The following GUCY2C variants were observed in gnomAD, a reference collection of about 807,000 sequenced individuals.
GUCY2C encodes guanylyl cyclase C.
In GUCY2C, 118 loss-of-function variants were observed where a neutral mutation model predicts 131.1. The observed-to-expected ratio is 0.90, with a 90% CI of 0.78 to 1.05. The LOEUF (loss-of-function observed/expected upper bound fraction) is 1.05, where lower values mean the gene tolerates loss of function less well. Ranked by LOEUF, GUCY2C falls within the 50% of genes least tolerant of loss-of-function variation. The probability of loss-of-function intolerance (pLI) is 0.00; values close to 1 mark genes in which losing one functional copy is unlikely to be tolerated. For missense variants in GUCY2C, 1,161 were observed against 1,304.4 expected (o/e 0.89, Z 1.69); for synonymous variants, 452 against 457.8 (o/e 0.99, Z 0.16).
At chr12:14,674,487 T>C (rs1184583948) in intron 8 of GUCY2C, 138 bp downstream of exon 8, 1 of 818,078 alleles carries the variant, frequency 1.2e-6, no homozygotes, top group Admixed American at 1.7e-5. Flanking sequence ...GTTTATGTAA[T>C]GATGTTTGCA....
chr12:14,693,079 T>C lies in GUCY2C; in HGVS notation c.217+3153A>G, dbSNP rs148236364. Among the ~76,000 whole-genome samples, 343 of 152,206 alleles carry C rather than the reference T, an allele frequency of 2.3e-3. 1 individual carries two copies. The highest frequency in any genetic ancestry group is 8.1e-3 in the African/African-American group (335 of 41,530). ...CAATGACATAACTTCAAATCAAAGG[T>C]TTACTTTTAAAATAAGCCATTTCCC... On this transcript the variant is annotated intron_variant, in intron 1 of 26. Coordinates refer to ENST00000261170, the MANE Select transcript of GUCY2C (RefSeq NM_004963.4).
At chr12:14,686,790 GA>G (rs749349254) in intron 2 of GUCY2C, among the ~76,000 whole-genome samples, 5 of 152,298 alleles carry the variant, frequency 3.3e-5, no homozygotes, top group African/African-American at 4.8e-5. Context: ...ATATATTTCT[GA>G]AATTGTGATG....
rs1948465647 is a variant in GUCY2C at position 14,686,178 on chromosome 12, G to C, written c.378C>G (p.Tyr126Ter). ...TTACTTACTACATCTGGAAGGTGGAGTATGTACATGAGGGCCCTATGAGGA... is the reference window on the plus strand; with the variant it reads ...TTACTTACTACATCTGGAAGGTGGACTATGTACATGAGGGCCCTATGAGGA... ...GCVLIGPSCT[Y>*]STFQMYLDTE... The change falls in exon 3 of 27, where the codon TAC becomes TAG. Residue 126 changes from tyrosine to a stop codon, truncating the protein, a stop_gained. Coordinates refer to ENST00000261170, the MANE Select transcript of GUCY2C (RefSeq NM_004963.4). LOFTEE classifies it high-confidence loss of function. 6.2e-7 allele frequency: 1 copy of C among 1,601,330 alleles called. No homozygotes were observed. Among genetic ancestry groups the C allele is most frequent in the Non-Finnish European group, 8.6e-7 (1 of 1,168,410 alleles).
chr12:14,669,982 A>G, intron 9 of GUCY2C, 149 bp from the exon 10 acceptor site: 1 of 524,736 alleles, frequency 1.9e-6, no homozygotes, highest in Non-Finnish European at 3.3e-6. Flanking sequence ...AGTTAGGATC[A>G]TTTATTGATT....
Position 14,641,160 on chromosome 12 carries a change from A to G in GUCY2C, c.1990T>C (p.Tyr664His), listed in dbSNP as rs757135404. 2 of 1,613,050 alleles carry G rather than the reference A, an allele frequency of 1.2e-6. No individual in the cohort carries two copies. Among genetic ancestry groups the G allele is most frequent in the Non-Finnish European group, 8.5e-7 (1 of 1,179,314 alleles). The change falls in exon 18 of 27, where the codon TAC (tyrosine) becomes CAC (histidine). Residue 664 changes from tyrosine to histidine, a missense_variant. Tyr to His is a moderately conservative substitution (Grantham distance 83, BLOSUM62 2). Coordinates refer to ENST00000261170, the MANE Select transcript of GUCY2C (RefSeq NM_004963.4). ...TCCTGTGCGATGATCCCATAGCTGTACACATCTCCTTTCTGAGAGATGTTG... is the reference window on the plus strand; with the variant it reads ...TCCTGTGCGATGATCCCATAGCTGTGCACATCTCCTTTCTGAGAGATGTTG... ...QANISQKGDV[Y>H]SYGIIAQEII...
At position 14,683,154 on chromosome 12, in the gene GUCY2C, A is replaced by G. The variant is rs754668125; in HGVS notation, c.499T>C (p.Leu167=). Reference sequence around the variant, plus strand: ...CAAAAGTTAACCAAGAAGTACATCAACTTTCTAGCTGGAGACATCAGCCTG... The same window carrying G: ...CAAAAGTTAACCAAGAAGTACATCAGCTTTCTAGCTGGAGACATCAGCCTG... ...LTRLMSPARK[L]MYFLVNFWKT... is the part of the protein sequence containing the mutation. The change falls in exon 4 of 27, where the codon TTG becomes CTG. Residue 167 remains leucine (L), a synonymous_variant. Transcript: ENST00000261170. The G allele has an allele frequency of 4.2e-5, 68 of 1,613,284 alleles. No individual in the cohort carries two copies. Among genetic ancestry groups the G allele is most frequent in the Non-Finnish European group, 5.4e-5 (64 of 1,179,370 alleles).
chr12:14,662,761 C>T (rs1209377593), intron 10 of GUCY2C, among the ~76,000 whole-genome samples: 1 of 151,346 alleles, frequency 6.6e-6, no homozygotes, highest in East Asian at 1.9e-4. Context: ...AAAATGTTTC[C>T]TTGTTTTCAA....
chr12:14,670,348 A>C (rs1565628585), intron 9 of GUCY2C, among the ~76,000 whole-genome samples: 1 of 152,204 alleles, frequency 6.6e-6, no homozygotes, highest in East Asian at 1.9e-4. Context: ...TAATTTTCTA[A>C]TCTCTTCTAT....
At chr12:14,684,716 C>T (rs1255951377) in intron 3 of GUCY2C, among the ~76,000 whole-genome samples, 1 of 150,824 alleles carries the variant, frequency 6.6e-6, no homozygotes, top group African/African-American at 2.4e-5. Context: ...GACACTCAGG[C>T]TGGAGTGCAG....
At position 14,652,961 on chromosome 12, in the gene GUCY2C, G is replaced by A. The variant is rs373688944; in HGVS notation, c.1524C>T (p.Tyr508=). ...DTIQRLRQCK[Y]DKKRVILKDL... ...AAGTGGGAGAGGTCACCTTTTTGTC[G>A]TATTTGCACTGTCGTAGTCTCTGGA... Residue 508 remains tyrosine (Y), a synonymous_variant, in exon 13 of 27, where the codon TAC becomes TAT. Coordinates refer to ENST00000261170, the MANE Select transcript of GUCY2C (RefSeq NM_004963.4). The A allele has an allele frequency of 3.4e-5, 54 of 1,608,050 alleles. No individual in the cohort carries two copies. The highest frequency in any genetic ancestry group is 1.2e-4 in the Admixed American group (7 of 59,990).
intron 1 of GUCY2C, among the ~76,000 whole-genome samples, chr12:14,692,390 C>T (rs1374015932): frequency 6.6e-6 from 1 of 151,684 alleles, no homozygotes; most frequent in Non-Finnish European, 1.5e-5. Context: ...TATAGGTTTT[C>T]TTTAATAAAA....
rs1057520701 is a variant in GUCY2C at position 14,639,933 on chromosome 12, C to A, written c.2086G>T (p.Glu696Ter). ...AAGGGTTTCATTCCATTGGAATTTT[C>A]CACTCTGAAAATCTTCTCTGGTTGG... is the stretch of plus-strand genomic sequence containing the variant. ...RDRNEKIFRV[E>*]NSNGMKPFRP... The change falls in exon 19 of 27, where the codon GAA (glutamate) becomes TAA (stop). Residue 696 changes from glutamate (E) to a stop codon, truncating the protein, a stop_gained. Transcript: ENST00000261170. LOFTEE classifies it high-confidence loss of function. 1 of 1,607,966 alleles carries A rather than the reference C, an allele frequency of 6.2e-7. No individual in the cohort carries two copies. Among genetic ancestry groups the A allele is most frequent in the East Asian group, 2.2e-5 (1 of 44,852 alleles).
chr12:14,665,078 G>A (rs891673135), intron 10 of GUCY2C, among the ~76,000 whole-genome samples: 1 of 152,106 alleles, frequency 6.6e-6, no homozygotes, highest in African/African-American at 2.4e-5. Flanking sequence ...CGGCCGCGGT[G>A]GCAGGTGCCT....
chr12:14,615,596 C>G (rs1288743147), intron 25 of GUCY2C, among the ~76,000 whole-genome samples: 1 of 148,196 alleles, frequency 6.7e-6, no homozygotes, highest in Non-Finnish European at 1.5e-5. Flanking sequence ...TAATATATAT[C>G]TATAATATAT....
At chr12:14,616,949 C>T (rs1221650629) in intron 24 of GUCY2C, among the ~76,000 whole-genome samples, 5 of 152,020 alleles carry the variant, frequency 3.3e-5, no homozygotes, top group Admixed American at 1.3e-4. Flanking sequence ...AATTTTAATC[C>T]CCAGTGCTGG....
intron 24 of GUCY2C, among the ~76,000 whole-genome samples, chr12:14,618,141 G>A (rs946495213): frequency 6.6e-6 from 1 of 152,156 alleles, no homozygotes; most frequent in African/African-American, 2.4e-5. Context: ...AGCACATTGT[G>A]CCTCTACCTT....
intron 19 of GUCY2C, among the ~76,000 whole-genome samples, chr12:14,633,836 C>T (rs1285791684): frequency 1.3e-5 from 2 of 151,826 alleles, no homozygotes; most frequent in Non-Finnish European, 2.9e-5. Flanking sequence ...GAAGACAGGT[C>T]TTTTGAAATA....
chr12:14,648,660 T>C, intron 15 of GUCY2C, among the ~76,000 whole-genome samples: 1 of 152,260 alleles, frequency 6.6e-6, no homozygotes, highest in African/African-American at 2.4e-5. Flanking sequence ...CGATGGCATA[T>C]GTATTCCCAT....
intron 17 of GUCY2C, among the ~76,000 whole-genome samples, chr12:14,642,993 A>G (rs1472208304): frequency 6.6e-6 from 1 of 152,202 alleles, no homozygotes; most frequent in Non-Finnish European, 1.5e-5. Flanking sequence ...CATAGTCAAG[A>G]AAGGGTAAAT....
Sources: gnomAD v4.1 joint callset for allele counts (sites outside exome capture counted in the v4.1 genomes callset) on GRCh38, gnomAD v4.1.1 for gene constraint, MANE v1.5 for transcripts, NCBI Gene and HGNC (gene_info 2026-07-23, HGNC 2026-07-21) for gene names.